GNB1: variants seen among roughly 807,000 people sequenced by gnomAD.
The protein encoded by GNB1 is guanine nucleotide-binding protein G(I)/G(S)/G(T) subunit beta-1.
Under a neutral mutation model 42.9 loss-of-function variants are expected in GNB1, and 2 were observed. The ratio of observed to expected loss-of-function variants is 0.05; its 90% CI spans 0.02 to 0.15. The LOEUF is 0.15. Among genes scored for constraint, GNB1 ranks in the 10% least tolerant of loss-of-function variants. GNB1 has a pLI of 1.00. For synonymous variants in GNB1, 183 were observed against 174.7 expected (o/e 1.05, Z -0.38); for missense variants, 193 against 462.2 (o/e 0.42, Z 5.34).
intron 2 of GNB1, among the ~76,000 whole-genome samples, chr1:1,827,986 G>A (rs1421897681): frequency 6.6e-6 from 1 of 152,070 alleles, no homozygotes; most frequent in Non-Finnish European, 1.5e-5. Flanking sequence ...CAAACTCCTG[G>A]GATCTCGGGA....
rs67566340 is a variant in GNB1 at position 1,880,585 on chromosome 1, C to CA, written c.-96+10234dup. Reference sequence around the variant, plus strand: ...TGGGCGACAGAGAGAGACTCCATCTCAAAAAAAAAATATATATATATATGA... The same window carrying CA: ...TGGGCGACAGAGAGAGACTCCATCTCAAAAAAAAAAATATATATATATATGA... On this transcript the variant is annotated intron_variant, in intron 1 of 11. Transcript: ENST00000378609. 6.8e-4 allele frequency among the ~76,000 whole-genome samples: 99 copies of CA among 145,542 alleles called. 1 individual carries two copies. The highest frequency in any genetic ancestry group is 7.1e-3 in the Middle Eastern group (2 of 282).
intron 1 of GNB1, among the ~76,000 whole-genome samples, chr1:1,839,901 T>C (rs1647202247): frequency 6.6e-6 from 1 of 151,898 alleles, no homozygotes; most frequent in Admixed American, 6.6e-5. Flanking sequence ...ACATCTGTAA[T>C]CCCAACACTT....
At chr1:1,813,691 A>G (rs960660911) in intron 5 of GNB1, among the ~76,000 whole-genome samples, 3 of 151,914 alleles carry the variant, frequency 2.0e-5, no homozygotes, top group Non-Finnish European at 4.4e-5. Context: ...GGGTCTCGCC[A>G]TGTGACCTAG....
intron 1 of GNB1, among the ~76,000 whole-genome samples, chr1:1,849,684 A>T (rs905006496): frequency 1.1e-4 from 16 of 152,120 alleles, no homozygotes; most frequent in African/African-American, 3.1e-4. Flanking sequence ...TACAGGTATG[A>T]CCCACCATGC....
chr1:1,816,489 A>G (rs929621257), intron 4 of GNB1, among the ~76,000 whole-genome samples: 5 of 152,104 alleles, frequency 3.3e-5, no homozygotes, highest in East Asian at 1.9e-4. Flanking sequence ...TATGTAGCCT[A>G]ATTTTTTTTT....
Position 1,885,033 on chromosome 1 carries a change from G to C in GNB1, c.-96+5787C>G, listed in dbSNP as rs147045471. Among the ~76,000 whole-genome samples, 6 of 152,008 alleles carry C rather than the reference G, an allele frequency of 3.9e-5. No individual in the cohort carries two copies. In the East Asian group the frequency reaches 1.2e-3, roughly 29 times the overall value. On this transcript the variant is annotated intron_variant, in intron 1 of 11. Coordinates refer to ENST00000378609, the MANE Select transcript of GNB1 (RefSeq NM_002074.5). ...GAATTAATACATAAAGTCCTCTCTT[G>C]ATATAATGCATTAGTAAGTTTGGAG... is the stretch of plus-strand genomic sequence containing the variant.
intron 2 of GNB1, among the ~76,000 whole-genome samples, chr1:1,831,669 G>C (rs1476888930): frequency 2.6e-5 from 4 of 151,782 alleles, no homozygotes; most frequent in Admixed American, 6.6e-5. Flanking sequence ...GGCTGGTCTT[G>C]AACTCCTGAC....
At chr1:1,797,744 C>T (rs1379078542) in intron 7 of GNB1, among the ~76,000 whole-genome samples, 1 of 152,176 alleles carries the variant, frequency 6.6e-6, no homozygotes, top group East Asian at 1.9e-4. Flanking sequence ...GCCCCCTTTC[C>T]AAAATTTCTA....
At chr1:1,881,494 CCCAGATTCAAGTGAT>C (rs1354237078) in intron 1 of GNB1, among the ~76,000 whole-genome samples, 1 of 151,910 alleles carries the variant, frequency 6.6e-6, no homozygotes, top group Non-Finnish European at 1.5e-5. Context: ...ACCTCCGCCT[CCCAGATTCAAGTGAT>C]CCTTGTGCCT....
chr1:1,798,886 G>C (rs1406195163), intron 7 of GNB1, among the ~76,000 whole-genome samples: 1 of 151,678 alleles, frequency 6.6e-6, no homozygotes, highest in Non-Finnish European at 1.5e-5. Flanking sequence ...ATTTTTTGTA[G>C]AGGCGGGTCT....
intron 1 of GNB1, among the ~76,000 whole-genome samples, chr1:1,864,337 G>GA (rs1245850367): frequency 3.3e-5 from 3 of 91,160 alleles, no homozygotes; most frequent in Non-Finnish European, 4.2e-5. Flanking sequence ...AAAAAAAAAA[G>GA]AAGAAAACCC....
At chr1:1,875,797 G>A (rs1009158586) in intron 1 of GNB1, among the ~76,000 whole-genome samples, 3 of 151,646 alleles carry the variant, frequency 2.0e-5, no homozygotes, top group African/African-American at 4.9e-5. Context: ...CACAAGGGGC[G>A]AAGGATGAAG....
chr1:1,804,013 G>C (rs1275185585), intron 7 of GNB1, among the ~76,000 whole-genome samples: 5 of 131,422 alleles, frequency 3.8e-5, no homozygotes, highest in Admixed American at 8.4e-5. Flanking sequence ...AGAAAAAAAG[G>C]CTGGGTGTGG....
intron 1 of GNB1, chr1:1,839,540 C>T (rs2101180614): frequency 6.6e-6 from 1 of 152,146 alleles, no homozygotes; most frequent in East Asian, 1.9e-4. Context: ...AGAAAAATTA[C>T]AGTAACAATT....
chr1:1,878,819 C>G (rs758030158), intron 1 of GNB1, among the ~76,000 whole-genome samples: 2 of 152,180 alleles, frequency 1.3e-5, no homozygotes, highest in Non-Finnish European at 2.9e-5. Flanking sequence ...TAGCCCCACA[C>G]TTCTCTCTCC....
chr1:1,873,686 G>A (rs918272043), intron 1 of GNB1, among the ~76,000 whole-genome samples: 4 of 151,982 alleles, frequency 2.6e-5, no homozygotes, highest in Non-Finnish European at 5.9e-5. Context: ...CGAGGTGGGC[G>A]GGTCACCTGT....
chr1:1,888,777 T>C (rs1206755086), intron 1 of GNB1, among the ~76,000 whole-genome samples: 1 of 152,052 alleles, frequency 6.6e-6, no homozygotes, highest in Non-Finnish European at 1.5e-5. Flanking sequence ...GCGCGGAGGT[T>C]GCAATGAGCC....
chr1:1,890,327 C>A (rs542327923), intron 1 of GNB1: 2 of 151,626 alleles, frequency 1.3e-5, no homozygotes, highest in Non-Finnish European at 2.9e-5. Flanking sequence ...CCCTTCCCCA[C>A]GCTCGCGCCC....
chr1:1,856,923 C>T (rs1012533479), intron 1 of GNB1, among the ~76,000 whole-genome samples: 1 of 152,160 alleles, frequency 6.6e-6, no homozygotes, highest in East Asian at 1.9e-4. Flanking sequence ...GGGAAGTATC[C>T]TACAAAACAG....
Sources: allele counts gnomAD v4.1 joint callset (sites outside exome capture counted in the v4.1 genomes callset), GRCh38; gene constraint gnomAD v4.1.1; transcripts MANE v1.5; gene names NCBI Gene and HGNC (gene_info 2026-07-23, HGNC 2026-07-21).